The following TMEM132D variants were observed in gnomAD, a reference collection of about 807,000 sequenced individuals.
TMEM132D encodes the protein transmembrane protein 132D.
A neutral mutation model predicts 62.3 loss-of-function variants in TMEM132D; 21 were observed. The observed-to-expected ratio is 0.34, with a 90% CI of 0.24 to 0.49. The LOEUF (loss-of-function observed/expected upper bound fraction) is 0.49. TMEM132D is among the 20% of genes least tolerant of loss of function. The pLI, the probability that TMEM132D is intolerant of heterozygous loss-of-function variation, is 0.99. For synonymous variants in TMEM132D, 621 were observed against 575.6 expected (o/e 1.08, Z -1.13); for missense variants, 1,346 against 1,402.8 (o/e 0.96, Z 0.65).
intron 2 of TMEM132D, among the ~76,000 whole-genome samples, chr12:129,588,866 C>G (rs1457345323): frequency 6.6e-6 from 1 of 151,066 alleles, no homozygotes; most frequent in African/African-American, 2.4e-5. Flanking sequence ...GGAATCATAC[C>G]CCAAAATGGA....
chr12:129,205,414 T>TA (rs147922931), intron 5 of TMEM132D, among the ~76,000 whole-genome samples: 13,717 of 139,864 alleles, frequency 0.098, 689 homozygotes, highest in Middle Eastern at 0.12. Flanking sequence ...CCAACAAAGA[T>TA]AAAAAAAAGA....
chr12:129,331,535 C>A (rs1302157510), intron 4 of TMEM132D, among the ~76,000 whole-genome samples: 1 of 152,184 alleles, frequency 6.6e-6, no homozygotes, highest in African/African-American at 2.4e-5. Context: ...GGTCAAGAGA[C>A]CCGCCTGGGA....
In TMEM132D at chr12:129,130,017, G is replaced by GTGTGTGTGTC. The variant is rs1232507374; in HGVS notation, c.1444-45316_1444-45315insGACACACACA. Among the ~76,000 whole-genome samples, 1,255 of 134,702 alleles carry GTGTGTGTGTC rather than the reference G, an allele frequency of 9.3e-3. 40 individuals are homozygous for GTGTGTGTGTC. The highest frequency in any genetic ancestry group is 0.059 in the Admixed American group (811 of 13,706). The allele number at this position is 134,702 out of a possible 152,430, so 88.4% of individuals were successfully genotyped here. ...AGCTCAAAAATCAAAGCTCTGCTCT[G>GTGTGTGTGTC]TGTGTGTGTGTGTGTGTGTGTGTGT... On this transcript the variant is annotated intron_variant, in intron 5 of 8. Coordinates refer to ENST00000422113, the MANE Select transcript of TMEM132D (RefSeq NM_133448.3).
intron 3 of TMEM132D, among the ~76,000 whole-genome samples, chr12:129,492,905 G>T (rs1874842548): frequency 2.0e-5 from 3 of 152,084 alleles, no homozygotes; most frequent in Non-Finnish European, 4.4e-5. Context: ...GAGAACTTTC[G>T]CTGGGATGGC....
chr12:129,270,021 C>T (rs904713172), intron 4 of TMEM132D, among the ~76,000 whole-genome samples: 14 of 152,090 alleles, frequency 9.2e-5, no homozygotes, highest in Admixed American at 6.5e-4. Flanking sequence ...GCGAGCCACT[C>T]GGGAAAAGCC....
At chr12:129,358,618 C>A (rs1485364280) in intron 3 of TMEM132D, among the ~76,000 whole-genome samples, 1 of 152,140 alleles carries the variant, frequency 6.6e-6, no homozygotes, top group Admixed American at 6.5e-5. Flanking sequence ...ATTAAATAAA[C>A]AATCACATCA....
intron 2 of TMEM132D, among the ~76,000 whole-genome samples, chr12:129,636,470 G>A (rs1879479223): frequency 6.6e-6 from 1 of 152,062 alleles, no homozygotes; most frequent in African/African-American, 2.4e-5. Context: ...GAAGGAGGGT[G>A]TAATGAGGCC....
At chr12:129,636,722 G>GTC in intron 2 of TMEM132D, among the ~76,000 whole-genome samples, 1 of 126,810 alleles carries the variant, frequency 7.9e-6, no homozygotes, top group Non-Finnish European at 1.7e-5. Context: ...GTGTGTGTGT[G>GTC]TGTGTGTGTG....
intron 3 of TMEM132D, among the ~76,000 whole-genome samples, chr12:129,477,213 G>A (rs570117151): frequency 1.3e-5 from 2 of 152,128 alleles, no homozygotes; most frequent in African/African-American, 2.4e-5. Flanking sequence ...AGACATTGCC[G>A]AAGTGACACA....
At chr12:129,503,051 C>G (rs144543149) in intron 3 of TMEM132D, among the ~76,000 whole-genome samples, 108 of 152,258 alleles carry the variant, frequency 7.1e-4, no homozygotes, top group African/African-American at 2.6e-3. Flanking sequence ...AAATATTTAA[C>G]GAGTGAATGA....
At position 129,399,944 on chromosome 12, in the gene TMEM132D, T is replaced by C. The variant is rs370397631; in HGVS notation, c.1116-62127A>G. Among the ~76,000 whole-genome samples, 18 of 152,074 alleles carry C rather than the reference T, an allele frequency of 1.2e-4. 2 individuals are homozygous for C. The highest frequency in any genetic ancestry group is 1.2e-3 in the East Asian group (6 of 5,170). On this transcript the variant is annotated intron_variant, in intron 3 of 8. Coordinates refer to ENST00000422113, the MANE Select transcript of TMEM132D (RefSeq NM_133448.3). ...TAATGAATATTTATATTATAGAAGG[T>C]GATATCAAAATTAGTAGGAAAACAT...
At chr12:129,382,749 G>A (rs1387287669) in intron 3 of TMEM132D, among the ~76,000 whole-genome samples, 1 of 152,140 alleles carries the variant, frequency 6.6e-6, no homozygotes, top group Admixed American at 6.5e-5. Context: ...AAAGTCAAAA[G>A]TGAGATTTGA....
At chr12:129,290,392 G>A (rs528960887) in intron 4 of TMEM132D, among the ~76,000 whole-genome samples, 16 of 152,120 alleles carry the variant, frequency 1.1e-4, no homozygotes, top group African/African-American at 2.9e-4. Flanking sequence ...ACAGGTTATC[G>A]AAGCATAACC....
chr12:129,105,940 T>A (rs1334934797), intron 5 of TMEM132D, among the ~76,000 whole-genome samples: 2 of 151,384 alleles, frequency 1.3e-5, no homozygotes, highest in East Asian at 3.9e-4. Flanking sequence ...GGACTATAAA[T>A]CATGCTGCTA....
chr12:129,544,310 T>C (rs1184755235), intron 2 of TMEM132D, among the ~76,000 whole-genome samples: 1 of 152,232 alleles, frequency 6.6e-6, no homozygotes, highest in Non-Finnish European at 1.5e-5. Context: ...GAAATTGATT[T>C]GTAAGGAAAA....
intron 2 of TMEM132D, among the ~76,000 whole-genome samples, chr12:129,554,337 G>C (rs1394673201): frequency 1.3e-5 from 2 of 152,186 alleles, no homozygotes; most frequent in Non-Finnish European, 2.9e-5. Flanking sequence ...ACGATGCCAG[G>C]TGGTGCTGGG....
intron 3 of TMEM132D, among the ~76,000 whole-genome samples, chr12:129,473,757 T>A (rs186169912): frequency 6.6e-6 from 1 of 152,194 alleles, no homozygotes; most frequent in Non-Finnish European, 1.5e-5. Flanking sequence ...ACACAAAAAA[T>A]TGTGTGATTC....
At chr12:129,746,453 C>A (rs772617525) in intron 1 of TMEM132D, among the ~76,000 whole-genome samples, 1 of 151,976 alleles carries the variant, frequency 6.6e-6, no homozygotes, top group South Asian at 2.1e-4. Flanking sequence ...AATTAGGAGA[C>A]GGGAGGATAT....
intron 4 of TMEM132D, among the ~76,000 whole-genome samples, chr12:129,324,712 C>T (rs1164000491): frequency 1.3e-5 from 2 of 151,992 alleles, no homozygotes; most frequent in African/African-American, 2.4e-5. Context: ...CACCTGTAAT[C>T]CCAGATACTC....
Sources: gnomAD v4.1 joint callset for allele counts (sites outside exome capture counted in the v4.1 genomes callset) on GRCh38, gnomAD v4.1.1 for gene constraint, MANE v1.5 for transcripts, NCBI Gene and HGNC (gene_info 2026-07-23, HGNC 2026-07-21) for gene names.